The following CCDC171 variants were observed in gnomAD, a reference collection of about 807,000 sequenced individuals.
The protein encoded by CCDC171 is coiled-coil domain containing 171.
A neutral mutation model predicts 168.2 loss-of-function variants in CCDC171; 177 were observed. The observed-to-expected ratio is 1.05, with a 90% CI of 0.93 to 1.19. The LOEUF is 1.19. Ranked by LOEUF, CCDC171 falls within the 50% of genes most tolerant of loss-of-function variation. The pLI is 0.00. For missense variants in CCDC171, 1,991 were observed against 1,539.0 expected, an observed-to-expected ratio of 1.29 and a Z score of -4.91; for synonymous variants, 687 against 540.8, an observed-to-expected ratio of 1.27 and a Z score of -3.75.
intron 24 of CCDC171, among the ~76,000 whole-genome samples, chr9:15,891,398 A>AT (rs1820196088): frequency 1.3e-5 from 2 of 152,060 alleles, no homozygotes; most frequent in Admixed American, 1.3e-4. Flanking sequence ...CTTTAAGACA[A>AT]TTTTTATATT....
At chr9:15,995,969 T>G (rs1326157355) in intron 3 of CCDC171, among the ~76,000 whole-genome samples, 1 of 152,218 alleles carries the variant, frequency 6.6e-6, no homozygotes, top group Non-Finnish European at 1.5e-5. Context: ...TTTATCACTT[T>G]CAGCATAAAA....
intron 7 of CCDC171, among the ~76,000 whole-genome samples, chr9:15,639,962 C>G (rs1185839216): frequency 6.6e-6 from 1 of 152,134 alleles, no homozygotes; most frequent in Non-Finnish European, 1.5e-5. Flanking sequence ...AATGGAAATG[C>G]TTATAGATGT....
intron 25 of CCDC171, among the ~76,000 whole-genome samples, chr9:15,941,066 T>A (rs1368504598): frequency 6.6e-6 from 1 of 151,982 alleles, no homozygotes; most frequent in Non-Finnish European, 1.5e-5. Context: ...TAGCCTTCCA[T>A]GCCACTTAAA....
At chr9:15,744,156 A>G (rs2055088912) in intron 16 of CCDC171, 117 bp from the exon 17 acceptor site, 2 of 792,630 alleles carry the variant, frequency 2.5e-6, no homozygotes, top group Admixed American at 3.0e-5. Flanking sequence ...TAGCACATGT[A>G]TCTTTTAAAG....
At chr9:15,911,246 C>A (rs190747861) in intron 24 of CCDC171, among the ~76,000 whole-genome samples, 9 of 152,238 alleles carry the variant, frequency 5.9e-5, no homozygotes, top group Admixed American at 3.9e-4. Flanking sequence ...TTCCAACTGG[C>A]GTGAGATGGT....
intron 6 of CCDC171, among the ~76,000 whole-genome samples, chr9:16,025,553 C>T (rs2133031798): frequency 6.6e-6 from 1 of 152,272 alleles, no homozygotes; most frequent in African/African-American, 2.4e-5. Flanking sequence ...AAGTGTCCAT[C>T]AACCGATGAA....
At chr9:16,099,381 T>C in the CCDC171 span, among the ~76,000 whole-genome samples, 1 of 152,224 alleles carries the variant, frequency 6.6e-6, no homozygotes, top group East Asian at 1.9e-4. Flanking sequence ...GCCATCGCAG[T>C]GGCTCTCAGA....
chr9:16,008,431 G>A (rs964301907), intron 3 of CCDC171, among the ~76,000 whole-genome samples: 2 of 152,134 alleles, frequency 1.3e-5, no homozygotes, highest in Non-Finnish European at 2.9e-5. Flanking sequence ...TGACTATAGA[G>A]GTTATCCCTC....
rs140072975 is a variant in CCDC171, at chr9:15,578,323, C to T, written c.178-526C>T. Reference sequence around the variant, plus strand: ...GGTCTCTGCTCACTGCAACCTCTGCCTCCCAGGCTCAAGCAATCCTTCCAT... The same window carrying T: ...GGTCTCTGCTCACTGCAACCTCTGCTTCCCAGGCTCAAGCAATCCTTCCAT... On this transcript the variant is annotated intron_variant, in intron 3 of 25. Coordinates refer to ENST00000380701, the MANE Select transcript of CCDC171 (RefSeq NM_173550.4). Among the ~76,000 whole-genome samples, 1,147 of 150,610 alleles carry T rather than the reference C, an allele frequency of 7.6e-3. 18 individuals are homozygous for T. The highest frequency in any genetic ancestry group is 0.026 in the African/African-American group (1,078 of 41,146).
intron 21 of CCDC171, among the ~76,000 whole-genome samples, chr9:15,786,100 C>G (rs936515736): frequency 2.0e-5 from 3 of 151,978 alleles, no homozygotes; most frequent in Non-Finnish European, 4.4e-5. Context: ...GTATGTTTTT[C>G]CAAATACATG....
At chr9:15,616,350 C>T (rs966176644) in intron 6 of CCDC171, among the ~76,000 whole-genome samples, 8 of 152,136 alleles carry the variant, frequency 5.3e-5, no homozygotes, top group Admixed American at 2.6e-4. Flanking sequence ...CCTCAAAGTG[C>T]TGGGATTACA....
At chr9:16,043,138 G>A (rs1349099992) in intron 1 of CCDC171, among the ~76,000 whole-genome samples, 1 of 151,868 alleles carries the variant, frequency 6.6e-6, no homozygotes, top group African/African-American at 2.4e-5. Flanking sequence ...CAGAGAGGTT[G>A]GGGAAAAAAA....
intron 7 of CCDC171, among the ~76,000 whole-genome samples, chr9:15,643,529 G>C (rs917586585): frequency 3.3e-5 from 5 of 152,242 alleles, no homozygotes; most frequent in Admixed American, 1.3e-4. Flanking sequence ...GCCACTTCTT[G>C]ACATTCCAAT....
downstream of CCDC171, among the ~76,000 whole-genome samples, chr9:16,063,755 A>T (rs1295399067): frequency 6.6e-6 from 1 of 152,142 alleles, no homozygotes; most frequent in Non-Finnish European, 1.5e-5. Flanking sequence ...CCATTATAAC[A>T]TTTGTTCCAT....
the CCDC171 span, among the ~76,000 whole-genome samples, chr9:16,098,361 C>T: frequency 6.6e-6 from 1 of 152,140 alleles, no homozygotes; most frequent in Non-Finnish European, 1.5e-5. Context: ...TTGTCGTCGT[C>T]GTCATCATCA....
chr9:15,950,694 A>G (rs1829042348), intron 25 of CCDC171, among the ~76,000 whole-genome samples: 1 of 152,110 alleles, frequency 6.6e-6, no homozygotes, highest in Non-Finnish European at 1.5e-5. Context: ...GACCATCGAG[A>G]CTAGGAAGAC....
chr9:15,997,972 C>T (rs1490898748), intron 3 of CCDC171, among the ~76,000 whole-genome samples: 3 of 152,166 alleles, frequency 2.0e-5, no homozygotes, highest in Non-Finnish European at 4.4e-5. Context: ...GGAGCCTGGA[C>T]ACAAGGAATT....
upstream of CCDC171, chr9:15,552,963 A>T (rs1006065328): frequency 6.6e-6 from 1 of 152,304 alleles, no homozygotes; most frequent in Non-Finnish European, 1.5e-5. Context: ...TTCTCGGAGT[A>T]CGTATCCAGG....
At chr9:15,719,391 G>A (rs1296748546) in intron 11 of CCDC171, among the ~76,000 whole-genome samples, 1 of 106,358 alleles carries the variant, frequency 9.4e-6, no homozygotes, top group Non-Finnish European at 1.9e-5. Flanking sequence ...AAGGCTGGCG[G>A]GGGGGTGGGG....
Sources: gnomAD v4.1 joint callset for allele counts (sites outside exome capture counted in the v4.1 genomes callset) on GRCh38, gnomAD v4.1.1 for gene constraint, MANE v1.5 for transcripts, NCBI Gene and HGNC (gene_info 2026-07-23, HGNC 2026-07-21) for gene names.